Variants in PRKCB observed in about 807,000 individuals in gnomAD.
PRKCB encodes protein kinase C beta type.
Under a neutral mutation model 81.5 loss-of-function variants are expected in PRKCB, and 13 were observed. The ratio of observed to expected loss-of-function variants is 0.16; its 90% CI spans 0.10 to 0.25. The LOEUF (loss-of-function observed/expected upper bound fraction) is 0.25, where lower values mean the gene tolerates loss of function less well. Ranked by LOEUF, PRKCB falls within the 10% of genes least tolerant of loss-of-function variation. PRKCB has a pLI of 1.00. For missense variants in PRKCB, 509 were observed against 875.7 expected (o/e 0.58, Z 5.29); for synonymous variants, 335 against 321.4 (o/e 1.04, Z -0.45).
At chr16:23,887,557 A>T (rs7405373) in intron 2 of PRKCB, among the ~76,000 whole-genome samples, 1 of 152,146 alleles carries the variant, frequency 6.6e-6, no homozygotes, top group Non-Finnish European at 1.5e-5. Flanking sequence ...GTAGTATTCC[A>T]TAGTGTATAT....
chr16:24,110,358 C>T (rs886241741), intron 7 of PRKCB, among the ~76,000 whole-genome samples: 10 of 151,254 alleles, frequency 6.6e-5, no homozygotes, highest in Admixed American at 3.3e-4. Flanking sequence ...ACTACGGGCG[C>T]GTGCCACCAT....
intron 5 of PRKCB, among the ~76,000 whole-genome samples, chr16:24,035,850 C>T (rs1965609580): frequency 1.3e-5 from 2 of 152,194 alleles, no homozygotes; most frequent in South Asian, 4.1e-4. Flanking sequence ...CTCCACTTCC[C>T]TTCTCTCCTT....
rs373023618 is a variant in PRKCB, at chr16:24,023,936, A to G, written c.289-8200A>G. 2.8e-3 allele frequency among the ~76,000 whole-genome samples: 424 copies of G among 152,242 alleles called. 4 individuals carry two copies. The highest frequency in any genetic ancestry group is 9.2e-3 in the African/African-American group (384 of 41,542). On this transcript the variant is annotated intron_variant, in intron 3 of 16. Coordinates refer to ENST00000643927, the MANE Select transcript of PRKCB (RefSeq NM_002738.7). ...TCCCTGAGCCAAGGCAATTATAGAT[A>G]TCTTGACTCACCCCTGGTTGTAGGT...
intron 14 of PRKCB, 27 bp downstream of exon 14, chr16:24,185,218 G>A (rs1467561876): frequency 1.9e-6 from 3 of 1,593,902 alleles, no homozygotes; most frequent in Non-Finnish European, 2.6e-6. Context: ...TGATCGATAA[G>A]AGAAGTCCTC....
intron 4 of PRKCB, among the ~76,000 whole-genome samples, chr16:24,034,123 C>T (rs1171980050): frequency 6.6e-6 from 1 of 152,208 alleles, no homozygotes; most frequent in Non-Finnish European, 1.5e-5. Context: ...AGCCTTCTGC[C>T]TGCAGGACAC....
chr16:24,220,084 A>G lies in PRKCB; in HGVS notation c.*5268A>G, dbSNP rs779793250. ...AAATGAATTTGCTGGCTTCTCTTAT[A>G]CTAACCCAGAGTTTGTCATTAATGT... On this transcript the variant is annotated 3_prime_UTR_variant, in exon 17 of 17. Coordinates refer to ENST00000643927, the MANE Select transcript of PRKCB (RefSeq NM_002738.7). 6.2e-7 allele frequency: 1 copy of G among 1,614,120 alleles called. No individual in the cohort carries two copies. Among genetic ancestry groups the G allele is most frequent in the Admixed American group, 1.7e-5 (1 of 60,020 alleles).
chr16:24,203,631 T>G (rs10492797), intron 16 of PRKCB, among the ~76,000 whole-genome samples: 25,916 of 152,082 alleles, frequency 0.17, 2,648 homozygotes, highest in East Asian at 0.22. Flanking sequence ...AGACTTCCAG[T>G]GACAGTTGAA....
At chr16:24,041,053 A>T (rs1965690730) in intron 5 of PRKCB, among the ~76,000 whole-genome samples, 3 of 137,034 alleles carry the variant, frequency 2.2e-5, no homozygotes, top group African/African-American at 5.5e-5. Context: ...TGCAACAATA[A>T]TTTTTTTTGT....
At position 24,191,075 on chromosome 16, in the gene PRKCB, T is replaced by C. The variant is rs1398601096; in HGVS notation, c.1723-15T>C. 3 of 1,610,852 alleles carry C rather than the reference T, an allele frequency of 1.9e-6. No individual in the cohort carries two copies. Among genetic ancestry groups the C allele is most frequent in the Non-Finnish European group, 2.5e-6 (3 of 1,178,102 alleles). On this transcript the variant is annotated splice_polypyrimidine_tract_variant and intron_variant, in intron 15 of 16. Coordinates refer to ENST00000643927, the MANE Select transcript of PRKCB (RefSeq NM_002738.7). ...CTGAAACTCAGCAAATTCAATGTTTTTCTTTCTCTCGAAGCTGATGACCAA... is the reference window on the plus strand; with the variant it reads ...CTGAAACTCAGCAAATTCAATGTTTCTCTTTCTCTCGAAGCTGATGACCAA...
intron 2 of PRKCB, among the ~76,000 whole-genome samples, chr16:23,873,848 G>A (rs571294088): frequency 6.6e-6 from 1 of 152,188 alleles, no homozygotes; most frequent in South Asian, 2.1e-4. Flanking sequence ...TGCTTTTCAA[G>A]GTTTTCAAAT....
At chr16:24,199,952 A>G (rs1358508172) in intron 16 of PRKCB, among the ~76,000 whole-genome samples, 1 of 152,240 alleles carries the variant, frequency 6.6e-6, no homozygotes, top group African/African-American at 2.4e-5. Context: ...AACACCATCG[A>G]ATGGTGTCTG....
Position 23,930,779 on chromosome 16 carries a change from A to G in PRKCB, c.206-57729A>G, listed in dbSNP as rs553870600. Among the ~76,000 whole-genome samples the G allele has an allele frequency of 4.6e-5, 7 of 152,276 alleles. No individual in the cohort carries two copies. In the South Asian group the frequency reaches 6.2e-4, roughly 14 times the overall value. ...TTAATACATGTAAAGCTCTTAGTGCAATACACGACACATAGATAACATTTA... is the reference window on the plus strand; with the variant it reads ...TTAATACATGTAAAGCTCTTAGTGCGATACACGACACATAGATAACATTTA... On this transcript the variant is annotated intron_variant, in intron 2 of 16. Coordinates refer to ENST00000643927, the MANE Select transcript of PRKCB (RefSeq NM_002738.7).
chr16:24,048,785 G>A (rs1965798505), intron 5 of PRKCB, among the ~76,000 whole-genome samples: 1 of 152,056 alleles, frequency 6.6e-6, no homozygotes, highest in Non-Finnish European at 1.5e-5. Context: ...CCCAGCCACA[G>A]CCACCTTTTC....
intron 2 of PRKCB, among the ~76,000 whole-genome samples, chr16:23,915,659 T>A (rs1255163629): frequency 1.7e-5 from 2 of 117,662 alleles, no homozygotes; most frequent in Non-Finnish European, 3.2e-5. Flanking sequence ...ACCACTGCAT[T>A]CCAGCCTGGG....
At position 23,950,144 on chromosome 16, in the gene PRKCB, T is replaced by G. The variant is rs865939741; in HGVS notation, c.206-38364T>G. On this transcript the variant is annotated intron_variant, in intron 2 of 16. Transcript: ENST00000643927. ...CCCTATGATTTGAATTTTTTTTTTTTTTTTTTTTTTTTTTCTGTTGATCCC... is the reference window on the plus strand; with the variant it reads ...CCCTATGATTTGAATTTTTTTTTTTGTTTTTTTTTTTTTTCTGTTGATCCC... Among the ~76,000 whole-genome samples, 200 of 145,574 alleles carry G rather than the reference T, an allele frequency of 1.4e-3. 7 individuals carry two copies. The highest frequency in any genetic ancestry group is 4.3e-3 in the African/African-American group (170 of 39,730).
chr16:23,969,156 T>A (rs1964525739), intron 2 of PRKCB, among the ~76,000 whole-genome samples: 1 of 152,022 alleles, frequency 6.6e-6, no homozygotes, highest in Non-Finnish European at 1.5e-5. Context: ...GGCGACAGGG[T>A]GAGACCCTGT....
At chr16:24,140,338 G>A (rs1481543108) in intron 9 of PRKCB, among the ~76,000 whole-genome samples, 1 of 152,184 alleles carries the variant, frequency 6.6e-6, no homozygotes, top group Non-Finnish European at 1.5e-5. Flanking sequence ...AACAACCATG[G>A]TGAATGCAGT....
chr16:24,147,131 AC>A lies in PRKCB; in HGVS notation c.1066-7549del, dbSNP rs1276529049. Among the ~76,000 whole-genome samples the A allele has an allele frequency of 1.9e-4, 29 of 151,366 alleles. 1 individual carries two copies. The East Asian group carries it at 5.5e-3, about 29-fold the overall frequency. ...AGACCATCCTGGCTAACACGATGAA[AC>A]CCCGTCTCTACTAAAAATACAAAAA... On this transcript the variant is annotated intron_variant, in intron 9 of 16. Transcript: ENST00000643927.
At chr16:24,056,295 C>G (rs911035083) in intron 5 of PRKCB, among the ~76,000 whole-genome samples, 1 of 152,210 alleles carries the variant, frequency 6.6e-6, no homozygotes, top group African/African-American at 2.4e-5. Flanking sequence ...CTCTGCCTGT[C>G]ACTAGTTCAA....
Sources: gnomAD v4.1 joint callset for allele counts (sites outside exome capture counted in the v4.1 genomes callset) on GRCh38, gnomAD v4.1.1 for gene constraint, MANE v1.5 for transcripts, NCBI Gene and HGNC (gene_info 2026-07-23, HGNC 2026-07-21) for gene names.